SH2D4B: variants seen among roughly 807,000 people sequenced by gnomAD.
SH2D4B encodes the protein SH2 domain containing 4B.
In SH2D4B, 45 loss-of-function variants were observed where a neutral mutation model predicts 61.5. The ratio of observed to expected loss-of-function variants is 0.73; its 90% CI spans 0.58 to 0.94. SH2D4B has a LOEUF of 0.94. Ranked by LOEUF, SH2D4B falls within the 40% of genes least tolerant of loss-of-function variation. The probability of loss-of-function intolerance (pLI) is 0.00; values close to 1 mark genes in which losing one functional copy is unlikely to be tolerated. For missense variants in SH2D4B, 572 were observed against 574.2 expected (o/e 1.00, Z 0.04); for synonymous variants, 224 against 220.4 (o/e 1.02, Z -0.14).
chr10:80,569,704 G>C (rs761341963), intron 1 of SH2D4B, among the ~76,000 whole-genome samples: 2 of 151,912 alleles, frequency 1.3e-5, no homozygotes, highest in East Asian at 3.9e-4. Context: ...TGGGGGGTTC[G>C]TTTTGGGGAG....
intron 1 of SH2D4B, among the ~76,000 whole-genome samples, chr10:80,568,669 C>T (rs1842001655): frequency 6.6e-6 from 1 of 152,218 alleles, no homozygotes; most frequent in African/African-American, 2.4e-5. Flanking sequence ...AAAATCCCAT[C>T]TCTTGCAATG....
chr10:80,643,602 T>C (rs1840343527), intron 7 of SH2D4B, among the ~76,000 whole-genome samples: 1 of 152,042 alleles, frequency 6.6e-6, no homozygotes, highest in Admixed American at 6.6e-5. Context: ...TTTGGGTCTC[T>C]TGGGGCTTCC....
chr10:80,572,974 ATATATATATATATTTTTT>A (rs1177748199), intron 3 of SH2D4B, among the ~76,000 whole-genome samples: 19 of 7,666 alleles, frequency 2.5e-3, no homozygotes, highest in African/African-American at 0.01. Flanking sequence ...ATATATATAT[ATATATATATATATTTTTT>A]TTTTTTTTTT....
At chr10:80,603,152 C>T (rs1842471073) in intron 4 of SH2D4B, among the ~76,000 whole-genome samples, 1 of 152,092 alleles carries the variant, frequency 6.6e-6, no homozygotes, top group Non-Finnish European at 1.5e-5. Flanking sequence ...TGCTGGCCAC[C>T]TTGACGGGTG....
chr10:80,538,519 C>A lies in SH2D4B; in HGVS notation c.184+4C>A. 7.3e-7 allele frequency: 1 copy of A among 1,378,434 alleles called. No homozygotes were observed. The highest frequency in any genetic ancestry group is 1.8e-5 in the South Asian group (1 of 55,350). The allele number at this position is 1,378,434 out of a possible 1,614,324, so 85.4% of individuals were successfully genotyped here. A position where few individuals can be genotyped will look rare whatever the true frequency, so the allele number is the denominator to read the frequency against. ...AGGCCTCCAAAGACCAAGCGAGGTA[C>A]GTGGCTGGGAGTCACAGAGAGGTAG... On this transcript the variant is annotated splice_donor_region_variant and intron_variant, in intron 1 of 7. Coordinates refer to ENST00000646907, the MANE Select transcript of SH2D4B (RefSeq NM_001388272.1). This position sits in a 1 kb window ranked among gnomAD's most constrained non-coding sequence, Gnocchi z 4.8.
At chr10:80,590,400 C>G (rs188478578) in intron 4 of SH2D4B, among the ~76,000 whole-genome samples, 1 of 152,126 alleles carries the variant, frequency 6.6e-6, no homozygotes, top group Admixed American at 6.5e-5. Flanking sequence ...ACTGTCCCTA[C>G]GAATTGGCTA....
intron 4 of SH2D4B, among the ~76,000 whole-genome samples, chr10:80,590,064 C>G (rs1842308746): frequency 6.6e-6 from 1 of 152,128 alleles, no homozygotes; most frequent in Non-Finnish European, 1.5e-5. Context: ...GGAGGCACGG[C>G]AGGCCATGCA....
chr10:80,562,030 CA>C (rs1841907055), intron 1 of SH2D4B, among the ~76,000 whole-genome samples: 1 of 71,670 alleles, frequency 1.4e-5, no homozygotes, highest in Non-Finnish European at 3.2e-5. Flanking sequence ...CTTCCAATTA[CA>C]CACACACACA....
chr10:80,619,849 A>G (rs940515047), intron 6 of SH2D4B, among the ~76,000 whole-genome samples: 3 of 152,216 alleles, frequency 2.0e-5, no homozygotes, highest in African/African-American at 7.2e-5. Context: ...TTGGGGATGG[A>G]TCTACCCAAA....
intron 6 of SH2D4B, among the ~76,000 whole-genome samples, chr10:80,628,670 G>A (rs904296922): frequency 2.6e-5 from 4 of 152,258 alleles, no homozygotes; most frequent in Admixed American, 6.5e-5. Flanking sequence ...ATTACCTTTG[G>A]TTTTGTGCCA....
At chr10:80,584,197 T>G (rs1481971895) in intron 3 of SH2D4B, among the ~76,000 whole-genome samples, 5 of 152,178 alleles carry the variant, frequency 3.3e-5, no homozygotes, top group Non-Finnish European at 7.3e-5. Flanking sequence ...TGCTGCAAAA[T>G]GGCAGAGTGG....
intron 7 of SH2D4B, among the ~76,000 whole-genome samples, chr10:80,635,377 C>T (rs572556412): frequency 3.3e-5 from 5 of 152,230 alleles, no homozygotes; most frequent in African/African-American, 9.6e-5. Context: ...CTCCGGCGTC[C>T]GACATCTAAC....
At chr10:80,608,155 G>C (rs1432911804) in intron 5 of SH2D4B, among the ~76,000 whole-genome samples, 1 of 152,204 alleles carries the variant, frequency 6.6e-6, no homozygotes, top group African/African-American at 2.4e-5. Flanking sequence ...AGAAACCGGA[G>C]AACCTCAATT....
intron 1 of SH2D4B, among the ~76,000 whole-genome samples, chr10:80,558,660 T>C (rs1291545322): frequency 2.0e-5 from 3 of 152,086 alleles, no homozygotes; most frequent in Non-Finnish European, 4.4e-5. Flanking sequence ...TTTTGTTTTT[T>C]TCTTGGTAGA....
intron 6 of SH2D4B, among the ~76,000 whole-genome samples, chr10:80,618,481 G>A (rs1343318769): frequency 3.3e-5 from 5 of 152,082 alleles, no homozygotes; most frequent in Non-Finnish European, 5.9e-5. Flanking sequence ...ATTTCATTTG[G>A]CGTTATAAAA....
chr10:80,544,670 C>G (rs1589328909), intron 1 of SH2D4B, among the ~76,000 whole-genome samples: 1 of 152,252 alleles, frequency 6.6e-6, no homozygotes, highest in South Asian at 2.1e-4. Flanking sequence ...AGCCCTGCAC[C>G]TGCCTGCAGA....
chr10:80,629,765 C>T (rs1353979495), intron 6 of SH2D4B, among the ~76,000 whole-genome samples: 1 of 152,206 alleles, frequency 6.6e-6, no homozygotes, highest in South Asian at 2.1e-4. Context: ...CATTCTCAAA[C>T]AGCCGTAAGA....
intron 5 of SH2D4B, among the ~76,000 whole-genome samples, 191 bp from the exon 6 acceptor site, chr10:80,609,233 G>T (rs562556325): frequency 6.6e-6 from 1 of 152,094 alleles, no homozygotes; most frequent in African/African-American, 2.4e-5. Flanking sequence ...CTCTTTGTAG[G>T]CATGGATATG....
intron 6 of SH2D4B, among the ~76,000 whole-genome samples, chr10:80,624,075 C>T (rs1364892155): frequency 6.6e-6 from 1 of 152,138 alleles, no homozygotes; most frequent in Non-Finnish European, 1.5e-5. Flanking sequence ...GTTGCTCTAC[C>T]TGTGCGCTCC....
Sources: gnomAD v4.1 joint callset for allele counts (sites outside exome capture counted in the v4.1 genomes callset) on GRCh38, gnomAD v4.1.1 for gene constraint, Gnocchi (gnomAD v3.1) non-coding constraint, MANE v1.5 for transcripts, NCBI Gene and HGNC (gene_info 2026-07-23, HGNC 2026-07-21) for gene names.